The following WSCD2 variants were observed in gnomAD, a reference collection of about 807,000 sequenced individuals.
WSCD2 encodes sialate:O-sulfotransferase 2.
WSCD2 carries 28 observed loss-of-function variants against 55.7 expected under a neutral mutation model. The observed-to-expected ratio is 0.50, with a 90% CI of 0.37 to 0.69. The LOEUF (loss-of-function observed/expected upper bound fraction) is 0.69. Ranked by LOEUF, WSCD2 falls within the 30% of genes least tolerant of loss-of-function variation. The pLI is 0.00. For missense variants in WSCD2, 616 were observed against 762.1 expected (o/e 0.81, Z 2.26); for synonymous variants, 301 against 301.9 (o/e 1.00, Z 0.03).
intron 1 of WSCD2, among the ~76,000 whole-genome samples, chr12:108,164,410 G>A (rs1183448498): frequency 6.6e-6 from 1 of 151,638 alleles, no homozygotes; most frequent in African/African-American, 2.4e-5. Flanking sequence ...TTTCTTTTGT[G>A]CCTGGCTTCC....
intron 1 of WSCD2, among the ~76,000 whole-genome samples, chr12:108,140,512 T>G (rs1461514935): frequency 1.3e-5 from 2 of 152,188 alleles, no homozygotes; most frequent in East Asian, 3.8e-4. Flanking sequence ...CTGCTCTGTC[T>G]GTCCGCCTGA....
At chr12:108,190,596 C>T (rs1198491780) in intron 1 of WSCD2, among the ~76,000 whole-genome samples, 4 of 152,118 alleles carry the variant, frequency 2.6e-5, no homozygotes, top group African/African-American at 4.8e-5. Context: ...GTTTTTCTTT[C>T]CCCTGCAGGC....
intron 3 of WSCD2, among the ~76,000 whole-genome samples, chr12:108,206,745 T>C (rs1885431829): frequency 6.6e-6 from 1 of 152,232 alleles, no homozygotes; most frequent in South Asian, 2.1e-4. Context: ...TGGCCGTGTA[T>C]GCAGGAGTCT....
intron 1 of WSCD2, among the ~76,000 whole-genome samples, chr12:108,155,645 G>T (rs1878435232): frequency 6.6e-6 from 1 of 152,154 alleles, no homozygotes; most frequent in East Asian, 1.9e-4. Context: ...GTGACCTTGG[G>T]CAGTTTACAT....
chr12:108,224,390 T>C (rs1431184631), intron 4 of WSCD2, among the ~76,000 whole-genome samples: 1 of 152,180 alleles, frequency 6.6e-6, no homozygotes, highest in Non-Finnish European at 1.5e-5. Context: ...TACTTGATCA[T>C]TTCCCTGAAT....
At chr12:108,131,693 T>C (rs1875525224) in intron 1 of WSCD2, 2 of 152,258 alleles carry the variant, frequency 1.3e-5, no homozygotes, top group Admixed American at 1.3e-4. Context: ...CTTGACTACA[T>C]GGCAGGGCCC....
In WSCD2 at chr12:108,210,319, C is replaced by T. The variant is rs1217164775; in HGVS notation, c.682+14C>T. ...CGGCCCGCAGGTGTACGTGAGTCTGCCCTGCCCCTCTCTGCTGCTCCTCCC... is the reference window on the plus strand; with the variant it reads ...CGGCCCGCAGGTGTACGTGAGTCTGTCCTGCCCCTCTCTGCTGCTCCTCCC... On this transcript the variant is annotated intron_variant, in intron 4 of 8. Transcript: ENST00000547525. This position sits in a 1 kb window ranked among gnomAD's most constrained non-coding sequence, Gnocchi z 4.3. 2 of 1,555,258 alleles carry T rather than the reference C, an allele frequency of 1.3e-6. No homozygotes were observed. The highest frequency in any genetic ancestry group is 1.4e-5 in the African/African-American group (1 of 73,746).
intron 8 of WSCD2, among the ~76,000 whole-genome samples, chr12:108,246,825 C>T (rs1890122298): frequency 6.6e-6 from 1 of 152,084 alleles, no homozygotes. Context: ...TGGGGGGTTT[C>T]TGCACAGCAT....
At chr12:108,226,025 C>T (rs1186979944) in intron 5 of WSCD2, among the ~76,000 whole-genome samples, 1 of 152,090 alleles carries the variant, frequency 6.6e-6, no homozygotes, top group East Asian at 1.9e-4. Flanking sequence ...TCATGCAATA[C>T]ACCACAGTAA....
At chr12:108,193,744 T>C (rs1402029246) in intron 1 of WSCD2, among the ~76,000 whole-genome samples, 1 of 152,112 alleles carries the variant, frequency 6.6e-6, no homozygotes, top group Non-Finnish European at 1.5e-5. Context: ...ACTGGATGGG[T>C]AGGTGGACTG....
At chr12:108,184,181 C>T (rs1247828756) in intron 1 of WSCD2, among the ~76,000 whole-genome samples, 1 of 152,086 alleles carries the variant, frequency 6.6e-6, no homozygotes, top group Non-Finnish European at 1.5e-5. Flanking sequence ...TGTGAGCCCA[C>T]CTCTCAGTCC....
At chr12:108,239,289 G>A (rs949793374) in intron 7 of WSCD2, among the ~76,000 whole-genome samples, 2 of 152,160 alleles carry the variant, frequency 1.3e-5, no homozygotes, top group Admixed American at 1.3e-4. Context: ...TCTTGAGCTA[G>A]TAAGTTTCTC....
At chr12:108,186,789 A>G (rs1456745092) in intron 1 of WSCD2, among the ~76,000 whole-genome samples, 3 of 152,252 alleles carry the variant, frequency 2.0e-5, no homozygotes, top group South Asian at 2.1e-4. Flanking sequence ...CCCTTTGAAG[A>G]CTAACTGTAG....
chr12:108,179,063 C>A (rs1481662865), intron 1 of WSCD2, among the ~76,000 whole-genome samples: 1 of 152,166 alleles, frequency 6.6e-6, no homozygotes, highest in Admixed American at 6.5e-5. Context: ...TCCACCTGTC[C>A]CCTCACTGAG....
intron 1 of WSCD2, among the ~76,000 whole-genome samples, chr12:108,191,646 T>G (rs1375104969): frequency 6.6e-6 from 1 of 152,216 alleles, no homozygotes; most frequent in Non-Finnish European, 1.5e-5. Context: ...CTCTTTTTAC[T>G]CATTTTTCTC....
intron 7 of WSCD2, among the ~76,000 whole-genome samples, chr12:108,238,900 GAGTT>G (rs1889480865): frequency 6.6e-6 from 1 of 152,176 alleles, no homozygotes; most frequent in Non-Finnish European, 1.5e-5. Context: ...TAACCTGGGC[GAGTT>G]ATTGGACATC....
chr12:108,136,760 C>T (rs118150500), intron 1 of WSCD2, among the ~76,000 whole-genome samples: 30 of 150,700 alleles, frequency 2.0e-4, no homozygotes, highest in African/African-American at 7.0e-4. Context: ...CCTCCCCGCT[C>T]TGTCTTTCCC....
chr12:108,151,339 A>G (rs1226679672), intron 1 of WSCD2, among the ~76,000 whole-genome samples: 1 of 152,150 alleles, frequency 6.6e-6, no homozygotes, highest in African/African-American at 2.4e-5. Flanking sequence ...GTCTCCAGAC[A>G]TTGACAAATG....
At chr12:108,237,291 G>T (rs1352388587) in intron 7 of WSCD2, among the ~76,000 whole-genome samples, 3 of 152,234 alleles carry the variant, frequency 2.0e-5, no homozygotes, top group Admixed American at 1.3e-4. Context: ...AACATGTCTT[G>T]TTCTCTCTGT....
Sources: gnomAD v4.1 joint callset for allele counts (sites outside exome capture counted in the v4.1 genomes callset) on GRCh38, gnomAD v4.1.1 for gene constraint, Gnocchi (gnomAD v3.1) non-coding constraint, MANE v1.5 for transcripts, NCBI Gene and HGNC (gene_info 2026-07-23, HGNC 2026-07-21) for gene names.